Variants in ZBTB41 observed in about 807,000 individuals in gnomAD.
ZBTB41 encodes zinc finger and BTB domain containing 41, also known as zinc finger and BTB domain-containing protein 41.
ZBTB41 carries 42 observed loss-of-function variants against 87.6 expected under a neutral mutation model. The ratio of observed to expected loss-of-function variants is 0.48; its 90% confidence interval spans 0.37 to 0.62. The LOEUF (loss-of-function observed/expected upper bound fraction) is 0.62. Ranked by LOEUF, ZBTB41 falls within the 20% of genes least tolerant of loss-of-function variation. ZBTB41 has a pLI of 0.00. For synonymous variants in ZBTB41, 364 were observed against 364.0 expected, an observed-to-expected ratio of 1.00 and a Z score of 0.00; for missense variants, 799 against 1,078.9, an observed-to-expected ratio of 0.74 and a Z score of 3.63.
intron 10 of ZBTB41, among the ~76,000 whole-genome samples, chr1:197,161,516 A>G (rs1441061289): frequency 6.6e-6 from 1 of 151,898 alleles, no homozygotes; most frequent in Admixed American, 6.6e-5. Flanking sequence ...CAGAAAATTT[A>G]GACAGATTGG....
At chr1:197,178,911 T>C (rs938909857) in intron 6 of ZBTB41, among the ~76,000 whole-genome samples, 5 of 152,152 alleles carry the variant, frequency 3.3e-5, no homozygotes, top group African/African-American at 1.2e-4. Context: ...TTAGTATTTA[T>C]TGAAAAAATG....
intron 10 of ZBTB41, among the ~76,000 whole-genome samples, chr1:197,170,816 A>T (rs1020427538): frequency 1.3e-5 from 2 of 152,176 alleles, no homozygotes; most frequent in African/African-American, 4.8e-5. Context: ...TTAGTTGCAA[A>T]GCCTAAAACA....
At chr1:197,172,883 G>A (rs1471298166) in intron 9 of ZBTB41, among the ~76,000 whole-genome samples, 4 of 151,810 alleles carry the variant, frequency 2.6e-5, no homozygotes, top group Non-Finnish European at 5.9e-5. Context: ...TTATAAATTT[G>A]AACTAATAAA....
intron 5 of ZBTB41, among the ~76,000 whole-genome samples, chr1:197,187,428 T>G (rs558953239): frequency 1.8e-4 from 27 of 152,288 alleles, no homozygotes; most frequent in East Asian, 5.8e-4. Flanking sequence ...GATGCTCCAG[T>G]CCGTTATCTA....
chr1:197,169,852 A>G (rs1659435920), intron 10 of ZBTB41, among the ~76,000 whole-genome samples: 1 of 152,060 alleles, frequency 6.6e-6, no homozygotes, highest in Non-Finnish European at 1.5e-5. Flanking sequence ...TAATCACTAC[A>G]TTCTGAGGAT....
At chr1:197,185,068 C>T (rs894289765) in intron 5 of ZBTB41, among the ~76,000 whole-genome samples, 2 of 151,334 alleles carry the variant, frequency 1.3e-5, no homozygotes, top group Admixed American at 1.3e-4. Flanking sequence ...CCAGCTTTGG[C>T]CTCCCAAAGT....
rs1659114617 is a variant in ZBTB41 at position 197,158,103 on chromosome 1, A to G, written c.*1256T>C. On this transcript the variant is annotated 3_prime_UTR_variant, in exon 11 of 11. Transcript: ENST00000367405. ...AGTTAAAATTGACTTGAAAATATGG[A>G]AAGTGCATGTCTTTAAAGGTATTTT... The G allele has an allele frequency of 6.6e-6, 1 of 152,540 alleles. No homozygotes were observed. Among genetic ancestry groups the G allele is most frequent in the African/African-American group, 2.4e-5 (1 of 41,562 alleles). 9.4% of individuals were successfully genotyped at this position (152,540 alleles called of 1,614,324 possible).
intron 2 of ZBTB41, among the ~76,000 whole-genome samples, chr1:197,193,755 A>C (rs1449107808): frequency 6.6e-6 from 1 of 152,224 alleles, no homozygotes; most frequent in African/African-American, 2.4e-5. Context: ...GAAAAGACAG[A>C]GGTCACTATA....
At chr1:197,174,719 A>T (rs1659560998) in intron 9 of ZBTB41, among the ~76,000 whole-genome samples, 1 of 152,068 alleles carries the variant, frequency 6.6e-6, no homozygotes, top group Non-Finnish European at 1.5e-5. Flanking sequence ...TATTAAGTAT[A>T]ATATATAGGC....
At chr1:197,170,490 T>G (rs1007929325) in intron 10 of ZBTB41, among the ~76,000 whole-genome samples, 1 of 152,154 alleles carries the variant, frequency 6.6e-6, no homozygotes, top group Non-Finnish European at 1.5e-5. Context: ...TTTTCTAGAA[T>G]GTAAATTAAT....
In ZBTB41 at chr1:197,190,746, A is replaced by G. The variant is rs1388246546; in HGVS notation, c.1398+16T>C. The G allele has an allele frequency of 6.5e-7, 1 of 1,532,650 alleles. No homozygotes were observed. The highest frequency in any genetic ancestry group is 8.9e-7 in the Non-Finnish European group (1 of 1,118,464). 94.9% of individuals were successfully genotyped at this position (1,532,650 alleles called of 1,614,324 possible). A position where few individuals can be genotyped will look rare whatever the true frequency, so the allele number is the denominator to read the frequency against. ...TTACTTTGGTTTTCTAATTTGTTTT[A>G]ATTAAAAACTCTTACATCACATTTC... On this transcript the variant is annotated intron_variant, in intron 4 of 10. Coordinates refer to ENST00000367405, the MANE Select transcript of ZBTB41 (RefSeq NM_194314.3).
At chr1:197,166,393 T>G (rs2125124893) in intron 10 of ZBTB41, among the ~76,000 whole-genome samples, 1 of 152,232 alleles carries the variant, frequency 6.6e-6, no homozygotes, top group African/African-American at 2.4e-5. Context: ...CTAAAGACAC[T>G]ATCATCACTA....
chr1:197,192,017 C>T (rs145996355), intron 2 of ZBTB41, 118 bp from the exon 3 acceptor site: 3 of 683,034 alleles, frequency 4.4e-6, no homozygotes, highest in South Asian at 4.9e-5. Context: ...CAAATCCACA[C>T]ACAAAACTAG....
rs1659124199 is a variant in ZBTB41, at chr1:197,158,514, T to A, written c.*845A>T. On this transcript the variant is annotated 3_prime_UTR_variant, in exon 11 of 11. Coordinates refer to ENST00000367405, the MANE Select transcript of ZBTB41 (RefSeq NM_194314.3). The stretch of plus-strand genomic sequence containing the variant: ...CTCTTTTCTTAGTGAGATGAAGACA[T>A]ATGCTATGTTGTATTGTCAACATTT... 1 of 152,474 alleles carries A rather than the reference T, an allele frequency of 6.6e-6. No homozygotes were observed. Among genetic ancestry groups the A allele is most frequent in the African/African-American group, 2.4e-5 (1 of 41,438 alleles). 9.4% of individuals were successfully genotyped at this position (152,474 alleles called of 1,614,324 possible).
chr1:197,180,439 T>C (rs1659717048), intron 6 of ZBTB41, among the ~76,000 whole-genome samples: 3 of 152,262 alleles, frequency 2.0e-5, no homozygotes, highest in Admixed American at 1.3e-4. Context: ...CCTAGTAAGT[T>C]TAAAGGATGA....
intron 2 of ZBTB41, 37 bp downstream of exon 2, chr1:197,199,317 A>T (rs1158035957): frequency 2.7e-6 from 4 of 1,455,080 alleles, no homozygotes; most frequent in Non-Finnish European, 3.6e-6. Context: ...AAGAAAAGTA[A>T]GTGATTAGAG....
rs1659139148 is a variant in ZBTB41 at position 197,159,229 on chromosome 1, G to A, written c.*130C>T. The A allele has an allele frequency of 2.3e-6, 2 of 866,546 alleles. No individual in the cohort carries two copies. The highest frequency in any genetic ancestry group is 5.5e-5 in the Admixed American group (2 of 36,158). 53.7% of individuals were successfully genotyped at this position (866,546 alleles called of 1,614,324 possible). ...GTAAACAGAGACACATAGTTTTCTT[G>A]ATTTGAAACTGTTCTGAGGACTTGA... On this transcript the variant is annotated 3_prime_UTR_variant, in exon 11 of 11. Transcript: ENST00000367405.
At chr1:197,180,887 A>T in intron 6 of ZBTB41, 101 bp downstream of exon 6, 1 of 1,274,556 alleles carries the variant, frequency 7.8e-7, no homozygotes, top group Non-Finnish European at 1.0e-6. Flanking sequence ...CAATTCATGC[A>T]TTTTGTGTCT....
At chr1:197,162,931 C>A (rs943469738) in intron 10 of ZBTB41, among the ~76,000 whole-genome samples, 4 of 152,090 alleles carry the variant, frequency 2.6e-5, no homozygotes, top group African/African-American at 9.7e-5. Context: ...GAGAAATGAA[C>A]AAAAATATCT....
Sources: allele counts gnomAD v4.1 joint callset (sites outside exome capture counted in the v4.1 genomes callset), GRCh38; gene constraint gnomAD v4.1.1; transcripts MANE v1.5; gene names NCBI Gene and HGNC (gene_info 2026-07-23, HGNC 2026-07-21).